Variants in GRIK2 observed in about 807,000 individuals in gnomAD.
GRIK2 encodes the protein glutamate ionotropic receptor kainate type subunit 2, also known as glutamate receptor ionotropic, kainate 2.
GRIK2 carries 32 observed loss-of-function variants against 100.3 expected under a neutral mutation model. The ratio of observed to expected loss-of-function variants is 0.32; its 90% CI spans 0.24 to 0.43. GRIK2 has a LOEUF of 0.43. Among genes scored for constraint, GRIK2 ranks in the 20% least tolerant of loss-of-function variants. The probability of loss-of-function intolerance (pLI) is 1.00; values close to 1 mark genes in which losing one functional copy is unlikely to be tolerated. For synonymous variants in GRIK2, 417 were observed against 389.4 expected (o/e 1.07, Z -0.83); for missense variants, 843 against 1,114.9 (o/e 0.76, Z 3.47).
At chr6:101,581,334 G>A (rs1027427880) in intron 2 of GRIK2, among the ~76,000 whole-genome samples, 9 of 151,600 alleles carry the variant, frequency 5.9e-5, no homozygotes, top group South Asian at 2.1e-4. Flanking sequence ...ATATAATTAA[G>A]GAGTATTGAC....
chr6:101,825,387 G>C (rs1011921879), intron 10 of GRIK2, among the ~76,000 whole-genome samples: 1 of 151,970 alleles, frequency 6.6e-6, no homozygotes. Context: ...CTTCCACAAA[G>C]CTAGTCAAAT....
chr6:102,012,091 T>A (rs1432665124), intron 14 of GRIK2, among the ~76,000 whole-genome samples: 1 of 152,166 alleles, frequency 6.6e-6, no homozygotes, highest in Non-Finnish European at 1.5e-5. Context: ...TTTTTTAAAG[T>A]TTTTCTAGCA....
chr6:101,922,483 T>C (rs910176386), intron 12 of GRIK2, among the ~76,000 whole-genome samples: 1 of 152,142 alleles, frequency 6.6e-6, no homozygotes, highest in Non-Finnish European at 1.5e-5. Flanking sequence ...CTTTTAAGAG[T>C]AGGAAAAATA....
chr6:101,676,137 A>G lies in GRIK2; in HGVS notation c.542-486A>G, dbSNP rs149296624. On this transcript the variant is annotated intron_variant, in intron 4 of 16. Coordinates refer to ENST00000369134, the MANE Select transcript of GRIK2 (RefSeq NM_021956.5). ...TGTAAAATACAATACAAACAAAGCT[A>G]TGTGTGTACACGTGTAAACGCACAG... 2.6e-3 allele frequency among the ~76,000 whole-genome samples: 389 copies of G among 152,298 alleles called. 6 individuals carry two copies. Among genetic ancestry groups the G allele is most frequent in the African/African-American group, 9.1e-3 (377 of 41,580 alleles).
At chr6:101,693,106 C>T (rs913431426) in intron 7 of GRIK2, among the ~76,000 whole-genome samples, 3 of 152,072 alleles carry the variant, frequency 2.0e-5, no homozygotes, top group Non-Finnish European at 2.9e-5. Flanking sequence ...TGCCTTTTCT[C>T]ATCCACAGAT....
intron 2 of GRIK2, among the ~76,000 whole-genome samples, chr6:101,423,365 A>T (rs576022551): frequency 2.7e-4 from 41 of 152,258 alleles, no homozygotes; most frequent in African/African-American, 9.1e-4. Context: ...ATTTGGATAG[A>T]CTTCCCTCGT....
At chr6:101,633,078 G>T (rs1410653910) in intron 4 of GRIK2, among the ~76,000 whole-genome samples, 1 of 152,092 alleles carries the variant, frequency 6.6e-6, no homozygotes, top group Admixed American at 6.6e-5. Context: ...GATGAGGAAT[G>T]ATCAATGGAT....
chr6:101,777,600 TTTA>T (rs1443396995), intron 7 of GRIK2, among the ~76,000 whole-genome samples: 2 of 152,236 alleles, frequency 1.3e-5, no homozygotes, highest in Non-Finnish European at 2.9e-5. Flanking sequence ...GGGATTTTTT[TTTA>T]TTATTTTCTT....
At chr6:101,909,311 A>G (rs985757965) in intron 12 of GRIK2, among the ~76,000 whole-genome samples, 2 of 149,600 alleles carry the variant, frequency 1.3e-5, no homozygotes, top group East Asian at 3.9e-4. Flanking sequence ...AATAATTTAA[A>G]TGCCTGCAAT....
intron 2 of GRIK2, among the ~76,000 whole-genome samples, chr6:101,575,200 A>G (rs1435703098): frequency 2.0e-5 from 3 of 151,882 alleles, no homozygotes; most frequent in African/African-American, 7.2e-5. Flanking sequence ...AAGTTCCTCT[A>G]TGATAGATGG....
chr6:101,895,629 C>T (rs17784776), intron 12 of GRIK2, among the ~76,000 whole-genome samples: 36,149 of 151,460 alleles, frequency 0.24, 5,501 homozygotes, highest in Non-Finnish European at 0.33. Context: ...TAAACTAATC[C>T]GCTGTCAAAA....
chr6:101,866,349 A>G (rs1043070447), intron 11 of GRIK2, among the ~76,000 whole-genome samples: 3 of 152,204 alleles, frequency 2.0e-5, no homozygotes, highest in African/African-American at 7.2e-5. Flanking sequence ...CTTATCTTCC[A>G]TAGCACCTAT....
At chr6:101,909,950 A>T (rs1270401530) in intron 12 of GRIK2, among the ~76,000 whole-genome samples, 4 of 151,088 alleles carry the variant, frequency 2.6e-5, no homozygotes, top group Non-Finnish European at 5.9e-5. Context: ...AATCTGATAA[A>T]ATCAGAAATG....
Position 101,464,829 on chromosome 6 carries a change from C to G in GRIK2, c.115+65437C>G, listed in dbSNP as rs554040007. Among the ~76,000 whole-genome samples the G allele has an allele frequency of 2.6e-5, 4 of 152,138 alleles. No homozygotes were observed. In the East Asian group the frequency reaches 7.8e-4, roughly 29 times the overall value. ...GCCACCGTGCCCGGCCCCAAACATT[C>G]TTATAAAAAAGACTTTGTGGTGGAT... On this transcript the variant is annotated intron_variant, in intron 2 of 16. Transcript: ENST00000369134.
At chr6:101,749,178 G>A (rs1361108552) in intron 7 of GRIK2, among the ~76,000 whole-genome samples, 2 of 152,016 alleles carry the variant, frequency 1.3e-5, no homozygotes, top group African/African-American at 2.4e-5. Flanking sequence ...GTGCGATCTC[G>A]GCTCACTGCA....
chr6:101,696,039 A>G (rs1216012947), intron 7 of GRIK2, among the ~76,000 whole-genome samples: 1 of 152,080 alleles, frequency 6.6e-6, no homozygotes, highest in Non-Finnish European at 1.5e-5. Flanking sequence ...AATTGTGTGT[A>G]TCAGATTTTG....
chr6:102,001,338 C>T (rs1332430324), intron 14 of GRIK2, among the ~76,000 whole-genome samples: 1 of 151,802 alleles, frequency 6.6e-6, no homozygotes, highest in Non-Finnish European at 1.5e-5. Context: ...GTATTTGTCC[C>T]AATGCTCTCC....
chr6:101,880,641 C>T (rs903021775), intron 11 of GRIK2, among the ~76,000 whole-genome samples: 1 of 151,988 alleles, frequency 6.6e-6, no homozygotes, highest in East Asian at 1.9e-4. Context: ...TAATTACCTT[C>T]TGAAATTAGG....
chr6:101,826,429 C>T (rs538893576), intron 10 of GRIK2, among the ~76,000 whole-genome samples: 81 of 151,994 alleles, frequency 5.3e-4, no homozygotes, highest in African/African-American at 1.9e-3. Context: ...ACTGCCACAG[C>T]GTGTGATGGG....
Sources: gnomAD v4.1 joint callset for allele counts (sites outside exome capture counted in the v4.1 genomes callset) on GRCh38, gnomAD v4.1.1 for gene constraint, MANE v1.5 for transcripts, NCBI Gene and HGNC (gene_info 2026-07-23, HGNC 2026-07-21) for gene names.